ATM: variants seen among roughly 807,000 people sequenced by gnomAD.
The protein encoded by ATM is serine-protein kinase ATM.
ATM carries 308 observed loss-of-function variants against 387.0 expected under a neutral mutation model. The ratio of observed to expected loss-of-function variants is 0.80; its 90% CI spans 0.73 to 0.87. The LOEUF is 0.87. Ranked by LOEUF, ATM falls within the 40% of genes least tolerant of loss-of-function variation. The probability of loss-of-function intolerance (pLI) is 0.00; values close to 1 mark genes in which losing one functional copy is unlikely to be tolerated. For synonymous variants in ATM, 1,156 were observed against 1,187.3 expected (o/e 0.97, Z 0.54); for missense variants, 3,312 against 3,560.9 (o/e 0.93, Z 1.78).
intron 40 of ATM, among the ~76,000 whole-genome samples, chr11:108,315,358 A>G (rs2084530531): frequency 6.6e-6 from 1 of 152,102 alleles, no homozygotes; most frequent in African/African-American, 2.4e-5. Context: ...TGCTGTGTAC[A>G]GTGTGTGTGT....
chr11:108,307,394 C>T (rs7948919), intron 37 of ATM, among the ~76,000 whole-genome samples: 1,728 of 152,226 alleles, frequency 0.011, 24 homozygotes, highest in African/African-American at 0.038. Flanking sequence ...GTGATCCGTC[C>T]GCATCAGCCT....
intron 1 of ATM, chr11:108,227,343 C>T: frequency 2.6e-6 from 1 of 383,872 alleles, no homozygotes; most frequent in Non-Finnish European, 4.7e-6. Flanking sequence ...CCTGCTACTA[C>T]TGCAAGCAAG....
At chr11:108,245,179 T>C (rs2079784151) in intron 7 of ATM, among the ~76,000 whole-genome samples, 153 bp downstream of exon 7, 2 of 152,036 alleles carry the variant, frequency 1.3e-5, no homozygotes, top group African/African-American at 4.8e-5. Context: ...TTTCATAGAG[T>C]TTTTAGAATT....
intron 42 of ATM, among the ~76,000 whole-genome samples, chr11:108,316,753 C>CAAAAA (rs58165074): frequency 4.1e-5 from 3 of 72,440 alleles, no homozygotes; most frequent in African/African-American, 5.5e-5. Flanking sequence ...ACTAAAAATA[C>CAAAAA]AAAAAAAAAA....
chr11:108,249,254 A>T (rs749995606), intron 9 of ATM, 152 bp downstream of exon 9: 1 of 910,450 alleles, frequency 1.1e-6, no homozygotes, highest in African/African-American at 1.7e-5. Context: ...TGTGATTGCC[A>T]TGACAAATGA....
rs2135686331 is a variant in ATM at position 108,282,706 on chromosome 11, G to T, written c.3577-4G>T. ...TTAACACATTGACTTTTTGGTTCGT[G>T]CAGGTTTTAGAGAAAGTTTCTGAAA... On this transcript the variant is annotated splice_region_variant and splice_polypyrimidine_tract_variant and intron_variant, in intron 24 of 62. Transcript: ENST00000675843. 1 of 1,612,036 alleles carries T rather than the reference G, an allele frequency of 6.2e-7. No homozygotes were observed. Among genetic ancestry groups the T allele is most frequent in the Non-Finnish European group, 8.5e-7 (1 of 1,179,198 alleles).
rs1555092607 is a variant in ATM at position 108,282,899 on chromosome 11, A to G, written c.3746+20A>G. On this transcript the variant is annotated intron_variant, in intron 25 of 62. Transcript: ENST00000675843. Reference sequence around the variant, plus strand: ...CTATAGGTAAGTTTATACATGACATATGTGAAATTTGTTTAATTTAAAATT... The same window carrying G: ...CTATAGGTAAGTTTATACATGACATGTGTGAAATTTGTTTAATTTAAAATT... 7.0e-7 allele frequency: 1 copy of G among 1,435,566 alleles called. No individual in the cohort carries two copies. The highest frequency in any genetic ancestry group is 9.7e-7 in the Non-Finnish European group (1 of 1,028,700). The allele number at this position is 1,435,566 out of a possible 1,614,324, so 88.9% of individuals were successfully genotyped here.
chr11:108,293,145 T>C (rs889059565), intron 30 of ATM, among the ~76,000 whole-genome samples, 168 bp from the exon 31 acceptor site: 1 of 152,178 alleles, frequency 6.6e-6, no homozygotes, highest in East Asian at 1.9e-4. Flanking sequence ...TACATAGTTA[T>C]TGAATTATTT....
intron 36 of ATM, 133 bp from the exon 37 acceptor site, chr11:108,304,542 G>C (rs2083579705): frequency 1.1e-6 from 1 of 934,470 alleles, no homozygotes; most frequent in Admixed American, 2.5e-5. Flanking sequence ...GCAGTATGTT[G>C]AGTTTATGGC....
At chr11:108,312,577 T>C (rs2084269187) in intron 40 of ATM, 79 bp downstream of exon 40, 2 of 1,020,252 alleles carry the variant, frequency 2.0e-6, no homozygotes, top group African/African-American at 1.6e-5. Context: ...ACTGTACAGA[T>C]GCCATGTGAT....
intron 33 of ATM, 52 bp from the exon 34 acceptor site, chr11:108,299,662 T>C (rs2083312067): frequency 2.5e-6 from 4 of 1,569,942 alleles, no homozygotes; most frequent in Non-Finnish European, 2.6e-6. Context: ...ATTTCAGTTT[T>C]ATGTATGATC....
intron 20 of ATM, 31 bp from the exon 21 acceptor site, chr11:108,272,501 A>G (rs2135564192): frequency 6.5e-7 from 1 of 1,547,190 alleles, no homozygotes; most frequent in Non-Finnish European, 8.9e-7. Flanking sequence ...CAGAATGATT[A>G]TTTAACTTTG....
At chr11:108,272,467 A>G (rs1591608004) in intron 20 of ATM, 65 bp from the exon 21 acceptor site, 2 of 1,313,178 alleles carry the variant, frequency 1.5e-6, no homozygotes, top group Non-Finnish European at 1.1e-6. Flanking sequence ...ATAACCTTTC[A>G]GTGAGTTTTC....
In ATM at chr11:108,362,977, C is replaced by A. The variant is rs148941562; in HGVS notation, c.8851-2105C>A. 8.9e-3 allele frequency among the ~76,000 whole-genome samples: 1,346 copies of A among 151,762 alleles called. 22 individuals are homozygous for A. The highest frequency in any genetic ancestry group is 0.03 in the African/African-American group (1,247 of 41,316). ...TAAAAAAAACTAAAAAAACAAACAA[C>A]AAAACAAACAAACAAAAAAAACACA... is the stretch of plus-strand genomic sequence containing the variant. On this transcript the variant is annotated intron_variant, in intron 61 of 62. Transcript: ENST00000675843.
At chr11:108,300,819 C>T (rs552587160) in intron 34 of ATM, among the ~76,000 whole-genome samples, 2 of 150,832 alleles carry the variant, frequency 1.3e-5, no homozygotes, top group East Asian at 1.9e-4. Flanking sequence ...GCTGTCCTTG[C>T]TTAATCACTT....
Position 108,356,540 on chromosome 11 carries a change from TAAA to T in ATM, c.8850+1684_8850+1686del, listed in dbSNP as rs374615780. 1.0e-3 allele frequency among the ~76,000 whole-genome samples: 101 copies of T among 97,776 alleles called. 1 individual carries two copies. Among genetic ancestry groups the T allele is most frequent in the African/African-American group, 3.2e-3 (88 of 27,444 alleles). 64.1% of individuals were successfully genotyped at this position (97,776 alleles called of 152,430 possible). On this transcript the variant is annotated intron_variant, in intron 61 of 62. Coordinates refer to ENST00000675843, the MANE Select transcript of ATM (RefSeq NM_000051.4). Reference sequence around the variant, plus strand: ...GACAAGAGCAAGACTCTGTCTGTCTTAAAAAAAAAAAAAAAAAAAAGCCCAAAC... The same window carrying T: ...GACAAGAGCAAGACTCTGTCTGTCTTAAAAAAAAAAAAAAAAAGCCCAAAC...
chr11:108,261,992 C>G (rs559657684), intron 16 of ATM, among the ~76,000 whole-genome samples: 1 of 152,016 alleles, frequency 6.6e-6, no homozygotes, highest in African/African-American at 2.4e-5. Context: ...GGGAAAAGAC[C>G]AAATCTACGT....
intron 1 of ATM, chr11:108,223,590 T>C (rs1198419309): frequency 6.6e-6 from 1 of 152,234 alleles, no homozygotes; most frequent in Non-Finnish European, 1.5e-5. Context: ...TGGAATTCTG[T>C]CAGTCGTGTG....
At chr11:108,248,695 T>C (rs1455051769) in intron 8 of ATM, among the ~76,000 whole-genome samples, 1 of 152,060 alleles carries the variant, frequency 6.6e-6, no homozygotes, top group South Asian at 2.1e-4. Context: ...TCAAGACCAG[T>C]CTGACCAACA....
Sources: gnomAD v4.1 joint callset for allele counts (sites outside exome capture counted in the v4.1 genomes callset) on GRCh38, gnomAD v4.1.1 for gene constraint, MANE v1.5 for transcripts, NCBI Gene and HGNC (gene_info 2026-07-23, HGNC 2026-07-21) for gene names.